The following NECAB2 variants were observed in gnomAD, a reference collection of about 807,000 sequenced individuals.
The protein encoded by NECAB2 is N-terminal EF-hand calcium binding protein 2, also known as N-terminal EF-hand calcium-binding protein 2.
Under a neutral mutation model 51.9 loss-of-function variants are expected in NECAB2, and 68 were observed. That is an observed-to-expected ratio of 1.31 (90% CI 1.08 to 1.60). NECAB2 has a LOEUF of 1.60. Among genes scored for constraint, NECAB2 ranks in the 40% most tolerant of loss-of-function variants. The probability of loss-of-function intolerance (pLI) is 0.00; values close to 1 mark genes in which losing one functional copy is unlikely to be tolerated. For missense variants in NECAB2, 854 were observed against 490.3 expected (o/e 1.74, Z -7.00); for synonymous variants, 329 against 203.5 (o/e 1.62, Z -5.25).
chr16:83,965,764 C>T (rs758099584), upstream of NECAB2: 2 of 1,613,290 alleles, frequency 1.2e-6, no homozygotes, highest in East Asian at 4.5e-5. Context: ...TCCTCATCGG[C>T]TCCCACCCCG....
Position 83,968,488 on chromosome 16 carries a change from G to A in NECAB2, c.-161G>A. 2 of 420,352 alleles carry A rather than the reference G, an allele frequency of 4.8e-6. No homozygotes were observed. The highest frequency in any genetic ancestry group is 6.3e-6 in the Non-Finnish European group (2 of 317,424). The allele number at this position is 420,352 out of a possible 1,614,324, so 26.0% of individuals were successfully genotyped here. A position where few individuals can be genotyped will look rare whatever the true frequency, so the allele number is the denominator to read the frequency against. ...ACGTGGCTCGGGGTCCGGCCGGCCC[G>A]CCCCCCGGCGCCGGCCAGTCCCCGC... On this transcript the variant is annotated 5_prime_UTR_variant, in exon 1 of 13. Coordinates refer to ENST00000305202, the MANE Select transcript of NECAB2 (RefSeq NM_019065.3).
chr16:83,977,255 C>T (rs1255588138), intron 2 of NECAB2, among the ~76,000 whole-genome samples: 2 of 152,084 alleles, frequency 1.3e-5, no homozygotes, highest in Non-Finnish European at 2.9e-5. Context: ...TCTCTGACCT[C>T]CATGCCACTC....
chr16:83,998,524 A>G (rs572451940), intron 10 of NECAB2, among the ~76,000 whole-genome samples: 9 of 152,244 alleles, frequency 5.9e-5, no homozygotes, highest in South Asian at 4.1e-4. Context: ...TCTCCCTGGC[A>G]TCAGCTTACT....
At chr16:84,000,374 G>A (rs2084805097) in intron 10 of NECAB2, among the ~76,000 whole-genome samples, 2 of 98,758 alleles carry the variant, frequency 2.0e-5, no homozygotes, top group Non-Finnish European at 3.4e-5. Context: ...TATTGGGACA[G>A]TTTTTGAATT....
chr16:83,993,620 C>CTGTGTGTGTGTGTGTG (rs57610964), intron 6 of NECAB2: 2 of 135,434 alleles, frequency 1.5e-5, no homozygotes, highest in East Asian at 2.3e-4. Flanking sequence ...GCAAGGTGAG[C>CTGTGTGTGTGTGTGTG]TGTGTGTGTG....
At chr16:83,979,794 G>T (rs1015361455) in intron 3 of NECAB2, among the ~76,000 whole-genome samples, 13 of 152,258 alleles carry the variant, frequency 8.5e-5, no homozygotes, top group African/African-American at 2.2e-4. Flanking sequence ...GAAGGTCAAA[G>T]CTCTATAAAG....
At chr16:83,994,477 G>A (rs2084669193) in intron 7 of NECAB2, 57 bp downstream of exon 7, 2 of 1,597,702 alleles carry the variant, frequency 1.3e-6, no homozygotes, top group Non-Finnish European at 1.7e-6. Flanking sequence ...GAGGAGTTCT[G>A]AGAGTCCTCT....
chr16:83,984,446 C>G (rs1054030713), intron 5 of NECAB2, among the ~76,000 whole-genome samples: 2 of 151,982 alleles, frequency 1.3e-5, no homozygotes, highest in African/African-American at 4.8e-5. Context: ...TCTGCTGCCG[C>G]TCACGGTGGC....
At chr16:83,993,639 TGTG>T (rs2084654948) in intron 6 of NECAB2, 4 of 155,204 alleles carry the variant, frequency 2.6e-5, no homozygotes, top group African/African-American at 9.8e-5. Context: ...TGTGTGTGTG[TGTG>T]TGTGTGTGTG....
In NECAB2 at chr16:83,986,876, A is replaced by C. The variant is rs183654323; in HGVS notation, c.460-3618A>C. Among the ~76,000 whole-genome samples, 274 of 152,234 alleles carry C rather than the reference A, an allele frequency of 1.8e-3. 2 individuals carry two copies. The highest frequency in any genetic ancestry group is 6.4e-3 in the African/African-American group (264 of 41,540). On this transcript the variant is annotated intron_variant, in intron 5 of 12. Transcript: ENST00000305202. ...TGGTCTATATCCACAGAGTTTTAAA[A>C]GTTGCTCCAGGGAGGGTAGGAGTGG...
intron 8 of NECAB2, among the ~76,000 whole-genome samples, chr16:83,996,594 G>A (rs950231554): frequency 2.8e-5 from 4 of 144,472 alleles, no homozygotes; most frequent in Admixed American, 6.8e-5. Context: ...GAGCCTGTGC[G>A]TCAGGTAGAC....
intron 5 of NECAB2, among the ~76,000 whole-genome samples, chr16:83,983,121 G>A (rs917360056): frequency 1.3e-5 from 2 of 152,042 alleles, no homozygotes; most frequent in Non-Finnish European, 2.9e-5. Context: ...CGCCCACCTC[G>A]GCCTCCCAAA....
At chr16:83,981,790 A>G (rs1263767645) in intron 5 of NECAB2, among the ~76,000 whole-genome samples, 3 of 152,150 alleles carry the variant, frequency 2.0e-5, no homozygotes, top group African/African-American at 4.8e-5. Context: ...GAGAGCAGCC[A>G]TAGGGCACAC....
chr16:84,002,269 G>A (rs2084852743), intron 12 of NECAB2, 49 bp from the exon 13 acceptor site: 4 of 1,603,476 alleles, frequency 2.5e-6, no homozygotes, highest in South Asian at 1.1e-5. Flanking sequence ...CAGCTACGAG[G>A]CTGCCCACAT....
chr16:83,967,362 G>A (rs1227546809), upstream of NECAB2, among the ~76,000 whole-genome samples: 1 of 150,494 alleles, frequency 6.6e-6, no homozygotes, highest in Non-Finnish European at 1.5e-5. Context: ...TAAATGGATG[G>A]GTGGATGGAT....
chr16:83,972,020 A>C, intron 1 of NECAB2, 131 bp from the exon 2 acceptor site: 2 of 1,220,430 alleles, frequency 1.6e-6, no homozygotes, highest in Non-Finnish European at 2.3e-6. Flanking sequence ...GGGAGAGGGA[A>C]GGGGGGCTCA....
chr16:83,965,743 C>T (rs144869016), upstream of NECAB2: 151 of 1,613,476 alleles, frequency 9.4e-5, no homozygotes, highest in African/African-American at 1.8e-3. Flanking sequence ...TTGGGGTCTC[C>T]CTGGTGCTGG....
At chr16:83,965,744 C>G (rs1011312312), upstream of NECAB2, 2 of 1,613,572 alleles carry the variant, frequency 1.2e-6, no homozygotes, top group Non-Finnish European at 1.7e-6. Flanking sequence ...TGGGGTCTCC[C>G]TGGTGCTGGT....
At position 84,001,891 on chromosome 16, in the gene NECAB2, G is replaced by A. The variant is rs756838077; in HGVS notation, c.1107G>A (p.Glu369=). The change falls in exon 12 of 13, where the codon GAG becomes GAA. Residue 369 remains glutamate, a synonymous_variant. Transcript: ENST00000305202. ...HVKVDTLSQP[E]ALSRILVPAA... ...AGGTGGACACACTGAGCCAGCCTGAGGCCCTCTCCAGGATCTTGGTGCCAG... is the reference window on the plus strand; with the variant it reads ...AGGTGGACACACTGAGCCAGCCTGAAGCCCTCTCCAGGATCTTGGTGCCAG... 2 of 1,614,048 alleles carry A rather than the reference G, an allele frequency of 1.2e-6. No individual in the cohort carries two copies. The highest frequency in any genetic ancestry group is 2.7e-5 in the African/African-American group (2 of 75,052).
Sources: gnomAD v4.1 joint callset for allele counts (sites outside exome capture counted in the v4.1 genomes callset) on GRCh38, gnomAD v4.1.1 for gene constraint, MANE v1.5 for transcripts, NCBI Gene and HGNC (gene_info 2026-07-23, HGNC 2026-07-21) for gene names.